PTGFR: variants seen among roughly 807,000 people sequenced by gnomAD.
The protein encoded by PTGFR is prostaglandin F receptor.
In PTGFR, 15 loss-of-function variants were observed where a neutral mutation model predicts 26.2. The ratio of observed to expected loss-of-function variants is 0.57; its 90% CI spans 0.38 to 0.88. PTGFR has a LOEUF of 0.88. PTGFR is among the 40% of genes least tolerant of loss of function. The pLI is 0.00. For synonymous variants in PTGFR, 165 were observed against 151.1 expected (o/e 1.09, Z -0.68); for missense variants, 369 against 427.2 (o/e 0.86, Z 1.20).
intron 2 of PTGFR, among the ~76,000 whole-genome samples, chr1:78,494,430 T>C (rs779421967): frequency 6.6e-6 from 1 of 152,112 alleles, no homozygotes; most frequent in Non-Finnish European, 1.5e-5. Flanking sequence ...CCCTCGTCTG[T>C]AACAATGGGG....
At chr1:78,528,162 T>C (rs1650417312) in intron 2 of PTGFR, among the ~76,000 whole-genome samples, 2 of 151,866 alleles carry the variant, frequency 1.3e-5, no homozygotes, top group South Asian at 2.1e-4. Flanking sequence ...ATTTGACCCA[T>C]AGGCTGTTAC....
intron 2 of PTGFR, among the ~76,000 whole-genome samples, chr1:78,495,556 A>G (rs1385226330): frequency 6.6e-6 from 1 of 152,242 alleles, no homozygotes; most frequent in Non-Finnish European, 1.5e-5. Flanking sequence ...TCTGGAGAAT[A>G]CCTCAAAACA....
chr1:78,495,866 T>C (rs1169034290), intron 2 of PTGFR, among the ~76,000 whole-genome samples: 3 of 152,264 alleles, frequency 2.0e-5, no homozygotes, highest in Non-Finnish European at 4.4e-5. Flanking sequence ...TATTTCCTAT[T>C]GGAAACAAAG....
intron 2 of PTGFR, among the ~76,000 whole-genome samples, chr1:78,525,622 T>C (rs1474256651): frequency 1.3e-5 from 2 of 152,058 alleles, no homozygotes; most frequent in Admixed American, 6.6e-5. Flanking sequence ...GATCATGTGA[T>C]TGAACTCAGT....
Position 78,540,045 on chromosome 1 carries a change from G to A in PTGFR, c.*3358G>A, listed in dbSNP as rs1045299219. 1.3e-5 allele frequency among the ~76,000 whole-genome samples: 2 copies of A among 152,028 alleles called. No homozygotes were observed. The highest frequency in any genetic ancestry group is 2.1e-4 in the South Asian group (1 of 4,804). ...TAAGAAACAATCTCCAAATTACAGC[G>A]CCATAAACTTCACAAAAGTTTGTAT... On this transcript the variant is annotated 3_prime_UTR_variant, in exon 3 of 3. Coordinates refer to ENST00000370757, the MANE Select transcript of PTGFR (RefSeq NM_000959.4).
chr1:78,511,696 G>A (rs1398316494), intron 2 of PTGFR, among the ~76,000 whole-genome samples: 1 of 152,184 alleles, frequency 6.6e-6, no homozygotes, highest in African/African-American at 2.4e-5. Context: ...CTAGGAAGTG[G>A]TTGCTCCCAG....
chr1:78,505,386 GT>G (rs1395615331), intron 2 of PTGFR, among the ~76,000 whole-genome samples: 1 of 151,972 alleles, frequency 6.6e-6, no homozygotes, highest in African/African-American at 2.4e-5. Flanking sequence ...GCCTCCCAAA[GT>G]GCTGGGATTA....
intron 2 of PTGFR, among the ~76,000 whole-genome samples, chr1:78,515,750 T>C (rs1470891565): frequency 2.0e-5 from 3 of 152,238 alleles, no homozygotes; most frequent in African/African-American, 7.2e-5. Context: ...GTTTGTTTTG[T>C]GATTAATCTA....
At chr1:78,524,367 A>G (rs1422305730) in intron 2 of PTGFR, among the ~76,000 whole-genome samples, 1 of 152,110 alleles carries the variant, frequency 6.6e-6, no homozygotes, top group Non-Finnish European at 1.5e-5. Flanking sequence ...GACTTTTATT[A>G]GTTCTTGAAG....
chr1:78,517,843 A>G (rs1468233844), intron 2 of PTGFR, among the ~76,000 whole-genome samples: 2 of 152,200 alleles, frequency 1.3e-5, no homozygotes, highest in African/African-American at 4.8e-5. Context: ...TAGAGAATGG[A>G]TTATAATGGA....
rs548822997 is a variant in PTGFR, at chr1:78,530,983, T to A, written c.799-5423T>A. 1.6e-4 allele frequency among the ~76,000 whole-genome samples: 24 copies of A among 152,252 alleles called. No homozygotes were observed. The South Asian group carries it at 4.8e-3, about 30-fold the overall frequency. On this transcript the variant is annotated intron_variant, in intron 2 of 2. Transcript: ENST00000370757. The stretch of plus-strand genomic sequence containing the variant: ...ATGAATTGGATTAAAATATACAAAG[T>A]GATAACATGACTTTTTCCTTCCCTT...
chr1:78,514,486 T>C (rs983265636), intron 2 of PTGFR, among the ~76,000 whole-genome samples: 3 of 152,222 alleles, frequency 2.0e-5, no homozygotes, highest in Admixed American at 6.5e-5. Context: ...TATACCCTTG[T>C]ATCTTGGAAC....
intron 2 of PTGFR, among the ~76,000 whole-genome samples, chr1:78,528,888 A>G (rs1276770497): frequency 6.6e-6 from 1 of 152,174 alleles, no homozygotes; most frequent in African/African-American, 2.4e-5. Context: ...ACATTTCAAC[A>G]AGTAGATGGA....
At chr1:78,534,320 G>A (rs879553255) in intron 2 of PTGFR, among the ~76,000 whole-genome samples, 11 of 152,100 alleles carry the variant, frequency 7.2e-5, no homozygotes, top group Non-Finnish European at 1.3e-4. Context: ...GCTTCCGACT[G>A]CTTTTGTCGA....
At chr1:78,499,481 C>T (rs1226176757) in intron 2 of PTGFR, among the ~76,000 whole-genome samples, 1 of 152,258 alleles carries the variant, frequency 6.6e-6, no homozygotes, top group East Asian at 1.9e-4. Flanking sequence ...TAAGAGTCTG[C>T]CAAATGAATC....
intron 2 of PTGFR, among the ~76,000 whole-genome samples, chr1:78,531,277 AAGAGCAAGTCCTCTAAGAC>A (rs1387263431): frequency 1.3e-5 from 2 of 152,174 alleles, no homozygotes; most frequent in African/African-American, 4.8e-5. Context: ...TTCTTTAAAC[AAGAGCAAGTCCTCTAAGAC>A]AGAGACGTCT....
intron 2 of PTGFR, among the ~76,000 whole-genome samples, chr1:78,514,629 G>T (rs1227748554): frequency 6.6e-6 from 1 of 152,116 alleles, no homozygotes; most frequent in Non-Finnish European, 1.5e-5. Flanking sequence ...TTTGAAATGT[G>T]AGAAGGACAT....
chr1:78,526,239 T>A (rs1296542405), intron 2 of PTGFR, among the ~76,000 whole-genome samples: 1 of 152,274 alleles, frequency 6.6e-6, no homozygotes, highest in East Asian at 1.9e-4. Context: ...AGATAATTAA[T>A]GCTTTCTTTA....
chr1:78,524,097 C>T (rs150267950), intron 2 of PTGFR, among the ~76,000 whole-genome samples: 37 of 152,120 alleles, frequency 2.4e-4, no homozygotes, highest in South Asian at 8.3e-4. Flanking sequence ...CTGGTGGAGT[C>T]GCTACTATTG....
Sources: gnomAD v4.1 joint callset for allele counts (sites outside exome capture counted in the v4.1 genomes callset) on GRCh38, gnomAD v4.1.1 for gene constraint, MANE v1.5 for transcripts, NCBI Gene and HGNC (gene_info 2026-07-23, HGNC 2026-07-21) for gene names.